ATXN2: variants seen among roughly 807,000 people sequenced by gnomAD.
ATXN2 encodes the protein ataxin 2.
Under a neutral mutation model 138.6 loss-of-function variants are expected in ATXN2, and 37 were observed. The ratio of observed to expected loss-of-function variants is 0.27; its 90% CI spans 0.21 to 0.35. The LOEUF is 0.35. Among genes scored for constraint, ATXN2 ranks in the 10% least tolerant of loss-of-function variants. The pLI is 1.00. For synonymous variants in ATXN2, 549 were observed against 543.7 expected (o/e 1.01, Z -0.13); for missense variants, 1,216 against 1,480.3 (o/e 0.82, Z 2.93).
At chr12:111,533,554 C>T (rs993778644) in intron 5 of ATXN2, among the ~76,000 whole-genome samples, 5 of 150,678 alleles carry the variant, frequency 3.3e-5, no homozygotes, top group African/African-American at 9.8e-5. Flanking sequence ...CTTTTCTTCT[C>T]ACACTCTGTT....
At chr12:111,582,461 C>G (rs1400257007) in intron 1 of ATXN2, among the ~76,000 whole-genome samples, 1 of 150,996 alleles carries the variant, frequency 6.6e-6, no homozygotes, top group African/African-American at 2.4e-5. Context: ...AAAAGAACTG[C>G]AGGGTGTGAT....
chr12:111,571,683 A>G (rs1191607771), intron 1 of ATXN2, among the ~76,000 whole-genome samples: 1 of 152,114 alleles, frequency 6.6e-6, no homozygotes, highest in East Asian at 1.9e-4. Context: ...CCCATGGCCT[A>G]TTTTCACATG....
chr12:111,538,445 C>T (rs1416950393), intron 5 of ATXN2, among the ~76,000 whole-genome samples: 4 of 151,852 alleles, frequency 2.6e-5, no homozygotes, highest in Non-Finnish European at 4.4e-5. Context: ...AATCTCCCTG[C>T]GCTCAGATGA....
At chr12:111,466,523 T>G (rs1188683353) in intron 20 of ATXN2, among the ~76,000 whole-genome samples, 5 of 152,168 alleles carry the variant, frequency 3.3e-5, no homozygotes, top group African/African-American at 9.7e-5. Context: ...ATCAAAGAGA[T>G]AAGGTTTTTG....
intron 5 of ATXN2, among the ~76,000 whole-genome samples, chr12:111,533,661 G>T (rs1880979033): frequency 6.6e-6 from 1 of 152,060 alleles, no homozygotes; most frequent in South Asian, 2.1e-4. Context: ...GAGTAGCTGG[G>T]ATTACACATG....
At chr12:111,498,099 C>T (rs1878541428) in intron 14 of ATXN2, among the ~76,000 whole-genome samples, 1 of 151,926 alleles carries the variant, frequency 6.6e-6, no homozygotes, top group Admixed American at 6.6e-5. Context: ...TATGACAGAC[C>T]CATAACTAGT....
chr12:111,476,117 A>C (rs1477096201), intron 18 of ATXN2, among the ~76,000 whole-genome samples: 1 of 152,054 alleles, frequency 6.6e-6, no homozygotes, highest in African/African-American at 2.4e-5. Context: ...ACACCCAGCA[A>C]ATTTTTAAAT....
At chr12:111,587,257 C>T (rs1345007474) in intron 1 of ATXN2, among the ~76,000 whole-genome samples, 1 of 151,966 alleles carries the variant, frequency 6.6e-6, no homozygotes, top group Non-Finnish European at 1.5e-5. Context: ...TTTCAAAACC[C>T]GCCCTTTATA....
At chr12:111,597,676 G>C (rs983834399) in intron 1 of ATXN2, 12 of 482,228 alleles carry the variant, frequency 2.5e-5, no homozygotes, top group Non-Finnish European at 4.4e-5. Context: ...CCAGTTAGCC[G>C]GGACAACACT....
At chr12:111,460,202 C>G (rs1363869377) in intron 21 of ATXN2, among the ~76,000 whole-genome samples, 1 of 152,082 alleles carries the variant, frequency 6.6e-6, no homozygotes, top group Non-Finnish European at 1.5e-5. Context: ...CTGTGTCAGC[C>G]TCCTGAGTAG....
intron 1 of ATXN2, among the ~76,000 whole-genome samples, chr12:111,590,640 G>A (rs373171732): frequency 1.3e-5 from 2 of 151,176 alleles, no homozygotes; most frequent in Non-Finnish European, 2.9e-5. Context: ...AGCTGAGATC[G>A]TGCCACTGCA....
intron 5 of ATXN2, among the ~76,000 whole-genome samples, chr12:111,547,696 G>T (rs1881877685): frequency 6.7e-6 from 1 of 149,544 alleles, no homozygotes; most frequent in Non-Finnish European, 1.5e-5. Context: ...TTGCACTCCA[G>T]CCTGGGCGAC....
intron 1 of ATXN2, among the ~76,000 whole-genome samples, chr12:111,559,920 GAA>G (rs1216649771): frequency 6.6e-5 from 10 of 152,066 alleles, no homozygotes; most frequent in Admixed American, 3.3e-4. Flanking sequence ...AACAAGGTAT[GAA>G]AGAGTTAATG....
At chr12:111,596,501 C>T (rs1592942533) in intron 1 of ATXN2, among the ~76,000 whole-genome samples, 3 of 152,186 alleles carry the variant, frequency 2.0e-5, no homozygotes, top group South Asian at 4.1e-4. Flanking sequence ...TTCACCCTTG[C>T]TCTCAGAGAC....
At chr12:111,595,248 A>G (rs1047880321) in intron 1 of ATXN2, among the ~76,000 whole-genome samples, 8 of 152,294 alleles carry the variant, frequency 5.3e-5, no homozygotes, top group African/African-American at 1.9e-4. Context: ...TCTCTAAGGA[A>G]ATAATTACAC....
At chr12:111,490,808 GGAGA>G (rs144773163) in intron 14 of ATXN2, among the ~76,000 whole-genome samples, 1 of 152,004 alleles carries the variant, frequency 6.6e-6, no homozygotes, top group Non-Finnish European at 1.5e-5. Flanking sequence ...TGTGCTCGGG[GGAGA>G]GAGAGAGAAA....
intron 8 of ATXN2, among the ~76,000 whole-genome samples, chr12:111,519,063 C>T (rs575975011): frequency 6.6e-6 from 1 of 152,216 alleles, no homozygotes; most frequent in Admixed American, 6.5e-5. Flanking sequence ...CTCCATGTTT[C>T]CTCTCTCTCT....
At chr12:111,466,843 T>C (rs1252861734) in intron 20 of ATXN2, among the ~76,000 whole-genome samples, 1 of 152,032 alleles carries the variant, frequency 6.6e-6, no homozygotes, top group Non-Finnish European at 1.5e-5. Flanking sequence ...TGATGTAGCT[T>C]AAAAAGAAAA....
At chr12:111,494,232 T>A (rs1878257563) in intron 14 of ATXN2, among the ~76,000 whole-genome samples, 1 of 151,894 alleles carries the variant, frequency 6.6e-6, no homozygotes, top group African/African-American at 2.4e-5. Flanking sequence ...GCCTGGCTTA[T>A]AACTACAGTT....
Sources: gnomAD v4.1 joint callset for allele counts (sites outside exome capture counted in the v4.1 genomes callset) on GRCh38, gnomAD v4.1.1 for gene constraint, MANE v1.5 for transcripts, NCBI Gene and HGNC (gene_info 2026-07-23, HGNC 2026-07-21) for gene names.